Variants in RBFOX3 observed in about 807,000 individuals in gnomAD.
The protein encoded by RBFOX3 is RNA binding fox-1 homolog 3.
In RBFOX3, 17 loss-of-function variants were observed where a neutral mutation model predicts 48.7. The observed-to-expected ratio is 0.35, with a 90% CI of 0.24 to 0.52. RBFOX3 has a LOEUF of 0.52. Ranked by LOEUF, RBFOX3 falls within the 20% of genes least tolerant of loss-of-function variation. The pLI is 0.94. For synonymous variants in RBFOX3, 212 were observed against 209.5 expected, an observed-to-expected ratio of 1.01 and a Z score of -0.10; for missense variants, 382 against 497.5, an observed-to-expected ratio of 0.77 and a Z score of 2.21.
At chr17:79,193,705 G>A (rs190783002) in intron 4 of RBFOX3, among the ~76,000 whole-genome samples, 36 of 152,328 alleles carry the variant, frequency 2.4e-4, no homozygotes, top group Non-Finnish European at 2.5e-4. Context: ...ACACTGGGAA[G>A]ACTAGAATCT....
intron 2 of RBFOX3, among the ~76,000 whole-genome samples, chr17:79,441,445 G>C (rs1337537026): frequency 6.6e-6 from 1 of 152,180 alleles, no homozygotes; most frequent in African/African-American, 2.4e-5. Context: ...AGAGACAGGA[G>C]ACACAGAGGC....
At position 79,481,892 on chromosome 17, in the gene RBFOX3, G is replaced by A. The variant is rs759871649; in HGVS notation, c.-175+562C>T. Among the ~76,000 whole-genome samples the A allele has an allele frequency of 2.3e-3, 355 of 152,286 alleles. 2 individuals carry two copies. Among genetic ancestry groups the A allele is most frequent in the Admixed American group, 5.5e-3 (84 of 15,300 alleles). ...CAGGTGACCCTGGCAGCTTGCATTC[G>A]AAGTGAGAGCCATCTTACAGAGCAC... On this transcript the variant is annotated intron_variant, in intron 2 of 14. Coordinates refer to ENST00000693108, the MANE Select transcript of RBFOX3 (RefSeq NM_001350451.2). This position sits in a 1 kb window ranked among gnomAD's most constrained non-coding sequence, Gnocchi z 5.4.
At chr17:79,544,011 C>T (rs564297426) in intron 1 of RBFOX3, among the ~76,000 whole-genome samples, 32 of 152,316 alleles carry the variant, frequency 2.1e-4, no homozygotes, top group South Asian at 1.2e-3. Context: ...AACAGAGGGG[C>T]TTAAACAACC....
chr17:79,507,581 TCAGAAGAAA>T (rs1372658909), intron 1 of RBFOX3, among the ~76,000 whole-genome samples: 1 of 151,996 alleles, frequency 6.6e-6, no homozygotes, highest in Non-Finnish European at 1.5e-5. Flanking sequence ...CAAAAGAGAT[TCAGAAGAAA>T]CAGAAGCCCT....
At chr17:79,435,761 T>C (rs1296881012) in intron 2 of RBFOX3, among the ~76,000 whole-genome samples, 1 of 152,198 alleles carries the variant, frequency 6.6e-6, no homozygotes, top group Non-Finnish European at 1.5e-5. Context: ...TCCATGCAGG[T>C]GGTTCTTTAT....
chr17:79,616,067 CA>C, the RBFOX3 span, among the ~76,000 whole-genome samples: 1 of 152,184 alleles, frequency 6.6e-6, no homozygotes, highest in Non-Finnish European at 1.5e-5. Context: ...AGCAAGAGAT[CA>C]GGGGCCTGCT....
chr17:79,665,027 C>T, the RBFOX3 span, among the ~76,000 whole-genome samples: 25 of 152,146 alleles, frequency 1.6e-4, no homozygotes, highest in Non-Finnish European at 3.2e-4. Context: ...ACTGGGGTTG[C>T]TTCCATCTTT....
intron 3 of RBFOX3, among the ~76,000 whole-genome samples, chr17:79,245,816 G>A (rs376312307): frequency 9.9e-5 from 15 of 151,652 alleles, no homozygotes; most frequent in East Asian, 1.9e-4. Context: ...TAGTAGAGAC[G>A]GGGTTTCACC....
intron 4 of RBFOX3, among the ~76,000 whole-genome samples, chr17:79,130,449 T>C (rs2038548951): frequency 6.6e-6 from 1 of 152,244 alleles, no homozygotes; most frequent in South Asian, 2.1e-4. Context: ...CTGTTGGCAG[T>C]GGAGGGCGGG....
intron 3 of RBFOX3, among the ~76,000 whole-genome samples, chr17:79,238,612 G>A (rs975653732): frequency 1.3e-5 from 2 of 152,238 alleles, no homozygotes; most frequent in African/African-American, 2.4e-5. Context: ...CCAGATGGGA[G>A]CTGGCAGAGT....
intron 4 of RBFOX3, among the ~76,000 whole-genome samples, chr17:79,118,421 G>C (rs2034702638): frequency 6.6e-6 from 1 of 152,176 alleles, no homozygotes; most frequent in African/African-American, 2.4e-5. Context: ...AGTCCAGTGG[G>C]AAGGGGTGGA....
At chr17:79,655,018 T>C in the RBFOX3 span, among the ~76,000 whole-genome samples, 2 of 152,266 alleles carry the variant, frequency 1.3e-5, no homozygotes, top group South Asian at 4.1e-4. Flanking sequence ...GACCATGCCA[T>C]TAGCACGAGT....
the RBFOX3 span, among the ~76,000 whole-genome samples, chr17:79,656,529 G>A: frequency 1.3e-5 from 2 of 151,646 alleles, no homozygotes; most frequent in African/African-American, 2.4e-5. Flanking sequence ...CAGGAGAATC[G>A]GTTGAACGTG....
chr17:79,322,384 A>G (rs182824780), intron 2 of RBFOX3, among the ~76,000 whole-genome samples: 1 of 152,304 alleles, frequency 6.6e-6, no homozygotes, highest in Non-Finnish European at 1.5e-5. Flanking sequence ...ATTAAGTGAG[A>G]TGGCACAGGT....
intron 2 of RBFOX3, among the ~76,000 whole-genome samples, chr17:79,338,100 G>A (rs547104424): frequency 3.3e-5 from 5 of 152,070 alleles, no homozygotes; most frequent in South Asian, 2.1e-4. Flanking sequence ...CACCATGCCC[G>A]GATAATTTTT....
At chr17:79,190,414 CAAAA>C (rs71161650) in intron 4 of RBFOX3, among the ~76,000 whole-genome samples, 1 of 93,518 alleles carries the variant, frequency 1.1e-5, no homozygotes, top group Non-Finnish European at 2.1e-5. Context: ...TCTGTCTCAC[CAAAA>C]AAAAAAAAAA....
chr17:79,582,130 G>C (rs1254675788), intron 1 of RBFOX3, among the ~76,000 whole-genome samples: 1 of 149,694 alleles, frequency 6.7e-6, no homozygotes, highest in Non-Finnish European at 1.5e-5. Flanking sequence ...GCGTGCCTGT[G>C]TATGCATGCA....
chr17:79,126,725 G>GAC (rs1295237699), intron 4 of RBFOX3, among the ~76,000 whole-genome samples: 12 of 152,304 alleles, frequency 7.9e-5, no homozygotes, highest in Admixed American at 2.0e-4. Context: ...TTCTGCAGGA[G>GAC]ACACCCAGCC....
chr17:79,564,509 G>C (rs2092381898), intron 1 of RBFOX3, among the ~76,000 whole-genome samples: 1 of 152,164 alleles, frequency 6.6e-6, no homozygotes, highest in Admixed American at 6.5e-5. Context: ...GCAGAACGGT[G>C]CTGGAGCCTC....
Sources: gnomAD v4.1 joint callset for allele counts (sites outside exome capture counted in the v4.1 genomes callset) on GRCh38, gnomAD v4.1.1 for gene constraint, Gnocchi (gnomAD v3.1) non-coding constraint, MANE v1.5 for transcripts, NCBI Gene and HGNC (gene_info 2026-07-23, HGNC 2026-07-21) for gene names.